NPHP4: variants seen among roughly 807,000 people sequenced by gnomAD.
NPHP4 encodes nephrocystin 4.
NPHP4 carries 151 observed loss-of-function variants against 155.8 expected under a neutral mutation model. The observed-to-expected ratio is 0.97, with a 90% CI of 0.85 to 1.11. NPHP4 has a LOEUF of 1.11. NPHP4 is among the 50% of genes least tolerant of loss of function. The pLI is 0.00. For synonymous variants in NPHP4, 845 were observed against 816.8 expected, an observed-to-expected ratio of 1.03 and a Z score of -0.59; for missense variants, 1,956 against 1,925.7, an observed-to-expected ratio of 1.02 and a Z score of -0.29.
chr1:5,871,866 C>T (rs1486909187), intron 23 of NPHP4, among the ~76,000 whole-genome samples: 1 of 152,162 alleles, frequency 6.6e-6, no homozygotes, highest in Non-Finnish European at 1.5e-5. Context: ...GCAGCAACAA[C>T]AGCATGCAGT....
intron 1 of NPHP4, among the ~76,000 whole-genome samples, chr1:5,987,660 G>A (rs1246279864): frequency 1.3e-5 from 2 of 152,186 alleles, no homozygotes; most frequent in Non-Finnish European, 1.5e-5. Context: ...TTAATTTTGT[G>A]AGACGAAATG....
At chr1:5,920,075 G>A (rs1645664334) in intron 11 of NPHP4, among the ~76,000 whole-genome samples, 1 of 152,150 alleles carries the variant, frequency 6.6e-6, no homozygotes, top group South Asian at 2.1e-4. Context: ...GGGACTACAG[G>A]CGCGTGCCAC....
At chr1:5,912,341 A>G (rs1645221968) in intron 11 of NPHP4, among the ~76,000 whole-genome samples, 1 of 152,162 alleles carries the variant, frequency 6.6e-6, no homozygotes, top group South Asian at 2.1e-4. Flanking sequence ...GATCGAGACC[A>G]TCCTGGCTAA....
chr1:5,914,424 A>T (rs1310423733), intron 11 of NPHP4, among the ~76,000 whole-genome samples: 10 of 152,030 alleles, frequency 6.6e-5, no homozygotes. Flanking sequence ...ACAGAGTGAG[A>T]TCTTCTCTCA....
chr1:5,911,253 C>A (rs550828539), intron 11 of NPHP4, among the ~76,000 whole-genome samples: 4 of 152,186 alleles, frequency 2.6e-5, no homozygotes, highest in Admixed American at 6.5e-5. Context: ...GAGCTCCGTA[C>A]GGCAAACCCC....
At chr1:5,971,897 T>C (rs757540156) in intron 3 of NPHP4, among the ~76,000 whole-genome samples, 2 of 152,266 alleles carry the variant, frequency 1.3e-5, no homozygotes, top group Non-Finnish European at 2.9e-5. Flanking sequence ...CTCACTTATC[T>C]GCACTGGTCA....
At chr1:5,986,459 A>G (rs1378369970) in intron 1 of NPHP4, 132 bp from the exon 2 acceptor site, 2 of 690,832 alleles carry the variant, frequency 2.9e-6, no homozygotes, top group Non-Finnish European at 4.6e-6. Flanking sequence ...TGCAAACCCC[A>G]GAAGAGTGGA....
chr1:5,958,510 C>T (rs1167824470), intron 6 of NPHP4, among the ~76,000 whole-genome samples: 1 of 152,252 alleles, frequency 6.6e-6, no homozygotes, highest in African/African-American at 2.4e-5. Flanking sequence ...GCCTGGCCAA[C>T]GTGGTGAAAC....
intron 28 of NPHP4, 53 bp downstream of exon 28, chr1:5,864,285 G>A (rs1640956981): frequency 2.0e-6 from 3 of 1,505,158 alleles, no homozygotes; most frequent in Non-Finnish European, 2.7e-6. Context: ...GTCCTGCAGT[G>A]CCCTGGTATT....
At chr1:5,938,935 G>T (rs1646685482) in intron 9 of NPHP4, among the ~76,000 whole-genome samples, 1 of 152,128 alleles carries the variant, frequency 6.6e-6, no homozygotes. Flanking sequence ...TCTAGAATTT[G>T]ACATTTTCAT....
Position 5,873,244 on chromosome 1 carries a change from C to T in NPHP4, c.3315+8G>A, listed in dbSNP as rs1171727023. ...CCGAGATCAGTTTGTCCTCCGTTGC[C>T]CCTTTACCTTGGCGTGTTTAGTGGG... On this transcript the variant is annotated splice_region_variant and intron_variant, in intron 23 of 29. Coordinates refer to ENST00000378156, the MANE Select transcript of NPHP4 (RefSeq NM_015102.5). The T allele has an allele frequency of 3.7e-6, 6 of 1,611,036 alleles. No individual in the cohort carries two copies. Among genetic ancestry groups the T allele is most frequent in the East Asian group, 2.2e-5 (1 of 44,884 alleles).
At chr1:5,967,472 C>T (rs1234412347) in intron 4 of NPHP4, 109 bp from the exon 5 acceptor site, 2 of 817,166 alleles carry the variant, frequency 2.4e-6, no homozygotes, top group Admixed American at 2.0e-5. Context: ...TTCTAAACTC[C>T]ACCAGTCCCA....
chr1:5,943,028 C>T (rs1465808155), intron 9 of NPHP4, among the ~76,000 whole-genome samples: 2 of 152,104 alleles, frequency 1.3e-5, no homozygotes, highest in African/African-American at 2.4e-5. Flanking sequence ...TTTCTGGAGC[C>T]CACACTTGCA....
At chr1:5,887,083 A>G in intron 18 of NPHP4, 1 of 581,714 alleles carries the variant, frequency 1.7e-6, no homozygotes, top group Non-Finnish European at 3.1e-6. Context: ...AACCCCAATC[A>G]GAAATTCAGA....
intron 11 of NPHP4, among the ~76,000 whole-genome samples, chr1:5,918,509 GAATTA>G (rs1479740034): frequency 1.2e-4 from 18 of 152,022 alleles, no homozygotes; most frequent in East Asian, 1.9e-4. Flanking sequence ...ATAAAATATA[GAATTA>G]AATTAAGATT....
intron 9 of NPHP4, among the ~76,000 whole-genome samples, chr1:5,939,201 T>C (rs933878401): frequency 2.6e-5 from 4 of 152,248 alleles, no homozygotes; most frequent in African/African-American, 9.6e-5. Flanking sequence ...GCAGTAATTA[T>C]TTTTAAAAAT....
intron 10 of NPHP4, among the ~76,000 whole-genome samples, chr1:5,931,637 G>C (rs1179782038): frequency 4.0e-5 from 6 of 150,004 alleles, no homozygotes; most frequent in African/African-American, 1.5e-4. Flanking sequence ...GGGAGGCTGA[G>C]CCAGAAGAAT....
chr1:5,981,473 T>G (rs1011134754), intron 2 of NPHP4, among the ~76,000 whole-genome samples: 9 of 151,916 alleles, frequency 5.9e-5, no homozygotes, highest in Admixed American at 5.9e-4. Flanking sequence ...CATGGTAAAA[T>G]TAAACAAAAA....
chr1:5,986,382 A>G (rs1655496648), intron 1 of NPHP4, 55 bp from the exon 2 acceptor site: 2 of 1,415,078 alleles, frequency 1.4e-6, no homozygotes, highest in Middle Eastern at 2.5e-4. Context: ...CAGTGGTCAC[A>G]GCAATCCTGA....
Sources: gnomAD v4.1 joint callset for allele counts (sites outside exome capture counted in the v4.1 genomes callset) on GRCh38, gnomAD v4.1.1 for gene constraint, MANE v1.5 for transcripts, NCBI Gene and HGNC (gene_info 2026-07-23, HGNC 2026-07-21) for gene names.